Variants in ZNF407 observed in about 807,000 individuals in gnomAD.
ZNF407 encodes zinc finger protein 407.
A neutral mutation model predicts 131.2 loss-of-function variants in ZNF407; 17 were observed. The ratio of observed to expected loss-of-function variants is 0.13; its 90% CI spans 0.09 to 0.19. The LOEUF (loss-of-function observed/expected upper bound fraction) is 0.19. ZNF407 is among the 10% of genes least tolerant of loss of function. ZNF407 has a pLI of 1.00. For synonymous variants in ZNF407, 1,156 were observed against 1,062.0 expected (o/e 1.09, Z -1.72); for missense variants, 2,681 against 2,830.6 (o/e 0.95, Z 1.20).
intron 8 of ZNF407, among the ~76,000 whole-genome samples, chr18:74,962,793 C>T (rs545150652): frequency 6.6e-6 from 1 of 152,336 alleles, no homozygotes; most frequent in African/African-American, 2.4e-5. Flanking sequence ...CTTACGTGCT[C>T]TGTTGAAATC....
rs1046388156 is a variant in ZNF407, at chr18:75,000,086, G to A, written c.5429-63064G>A. On this transcript the variant is annotated intron_variant, in intron 8 of 8. Coordinates refer to ENST00000299687, the MANE Select transcript of ZNF407 (RefSeq NM_017757.3). The stretch of plus-strand genomic sequence containing the variant: ...GATTTGTATTACAAGGAAAGAGTAC[G>A]CATAAATGTATCTGCTCTTATTTCC... 3.2e-4 allele frequency among the ~76,000 whole-genome samples: 49 copies of A among 152,294 alleles called. 1 individual carries two copies. The highest frequency in any genetic ancestry group is 9.9e-4 in the African/African-American group (41 of 41,570).
intron 8 of ZNF407, among the ~76,000 whole-genome samples, chr18:75,022,670 A>G (rs1256040583): frequency 6.6e-6 from 1 of 151,626 alleles, no homozygotes; most frequent in East Asian, 2.1e-4. Flanking sequence ...GGCGATTATT[A>G]GACAGTCAAG....
intron 3 of ZNF407, among the ~76,000 whole-genome samples, chr18:74,733,022 C>T (rs546245482): frequency 6.6e-6 from 1 of 151,996 alleles, no homozygotes; most frequent in South Asian, 2.1e-4. Context: ...ATTGGAGTTA[C>T]ACATAGACAT....
intron 8 of ZNF407, among the ~76,000 whole-genome samples, chr18:74,971,878 AAG>A (rs1281056035): frequency 6.6e-6 from 1 of 152,176 alleles, no homozygotes; most frequent in Non-Finnish European, 1.5e-5. Context: ...TGGGAAGAAA[AAG>A]AGGTTTAATC....
At chr18:74,921,612 C>T (rs909456925) in intron 8 of ZNF407, among the ~76,000 whole-genome samples, 6 of 152,150 alleles carry the variant, frequency 3.9e-5, no homozygotes, top group Non-Finnish European at 8.8e-5. Context: ...GTTTCCCATA[C>T]GTAAATCTGC....
chr18:74,754,204 A>G (rs1335753506), intron 3 of ZNF407, among the ~76,000 whole-genome samples: 2 of 151,764 alleles, frequency 1.3e-5, no homozygotes, highest in Non-Finnish European at 2.9e-5. Context: ...CCCCTTTATC[A>G]TTTTTTTATT....
chr18:74,625,709 C>G (rs201912958), intron 1 of ZNF407, among the ~76,000 whole-genome samples: 1 of 152,202 alleles, frequency 6.6e-6, no homozygotes, highest in Admixed American at 6.5e-5. Flanking sequence ...CCATGCCCCT[C>G]TCCTGGACTA....
chr18:74,632,080 C>G lies in ZNF407; in HGVS notation c.1061C>G (p.Thr354Ser), dbSNP rs776915979. The change falls in exon 2 of 9, where the codon ACT becomes AGT. Residue 354 changes from threonine (T) to serine (S), a missense_variant. This residue lies in a region of ZNF407 where 1,789 missense variants were observed against 1,748.7 expected (regional missense o/e 1.02). Coordinates refer to ENST00000299687, the MANE Select transcript of ZNF407 (RefSeq NM_017757.3). ...LLVEMMPSRN[T>S]LSQEVEIVEE... ...GTTGAAATGATGCCTTCCAGAAATA[C>G]TTTGTCACAGGAAGTAGAGATTGTT... 1 of 1,613,760 alleles carries G rather than the reference C, an allele frequency of 6.2e-7. No individual in the cohort carries two copies. Among genetic ancestry groups the G allele is most frequent in the South Asian group, 1.1e-5 (1 of 91,030 alleles).
At chr18:74,613,531 C>T (rs1311921960) in intron 1 of ZNF407, among the ~76,000 whole-genome samples, 2 of 152,234 alleles carry the variant, frequency 1.3e-5, no homozygotes, top group African/African-American at 4.8e-5. Context: ...GTAGAATCGG[C>T]ACCTCACTTA....
rs551424766 is a variant in ZNF407 at position 74,800,693 on chromosome 18, A to G, written c.4877+19191A>G. On this transcript the variant is annotated intron_variant, in intron 4 of 8. Coordinates refer to ENST00000299687, the MANE Select transcript of ZNF407 (RefSeq NM_017757.3). ...TAGTCATTTCTCATTGGAAGCATAT[A>G]TAAACTCAGTTTGTTTTATATACTG... 2.2e-4 allele frequency among the ~76,000 whole-genome samples: 33 copies of G among 152,302 alleles called. No homozygotes were observed. In the East Asian group the frequency reaches 6.2e-3, roughly 28 times the overall value.
chr18:74,626,334 C>G (rs1983783959), intron 1 of ZNF407, among the ~76,000 whole-genome samples: 1 of 152,140 alleles, frequency 6.6e-6, no homozygotes, highest in Non-Finnish European at 1.5e-5. Context: ...GTCCATCTGC[C>G]CTATAACGCA....
chr18:74,639,230 C>A (rs568916708), intron 2 of ZNF407, among the ~76,000 whole-genome samples: 93 of 152,308 alleles, frequency 6.1e-4, no homozygotes, highest in African/African-American at 1.7e-3. Flanking sequence ...AGTCACATGG[C>A]AGGTGCTGTG....
intron 8 of ZNF407, among the ~76,000 whole-genome samples, chr18:74,955,505 G>C (rs1972265202): frequency 6.6e-6 from 1 of 152,162 alleles, no homozygotes; most frequent in Admixed American, 6.5e-5. Context: ...GGCTAGCCTT[G>C]GTTGTAGGTT....
chr18:74,802,576 A>G (rs916159342), intron 4 of ZNF407, among the ~76,000 whole-genome samples: 1 of 152,152 alleles, frequency 6.6e-6, no homozygotes, highest in Non-Finnish European at 1.5e-5. Context: ...TTTCAGAGAA[A>G]TTTCTAATTT....
intron 4 of ZNF407, among the ~76,000 whole-genome samples, chr18:74,822,986 C>T (rs1970361501): frequency 1.3e-5 from 2 of 152,094 alleles, no homozygotes; most frequent in Admixed American, 6.5e-5. Flanking sequence ...CCTTCACATC[C>T]CTTGTTAGTT....
chr18:74,649,039 C>A (rs567642898), intron 3 of ZNF407, among the ~76,000 whole-genome samples: 2 of 152,160 alleles, frequency 1.3e-5, no homozygotes, highest in Non-Finnish European at 2.9e-5. Flanking sequence ...CATTAGTATA[C>A]CAAAGTCTGT....
At chr18:74,720,927 C>CTTTTTTTTT (rs34746909) in intron 3 of ZNF407, among the ~76,000 whole-genome samples, 11 of 143,612 alleles carry the variant, frequency 7.7e-5, no homozygotes, top group East Asian at 2.0e-4. Flanking sequence ...ATACCTTCAG[C>CTTTTTTTTT]TTTTTTTTTT....
chr18:75,009,787 TTCAG>T (rs1972952947), intron 8 of ZNF407, among the ~76,000 whole-genome samples: 1 of 152,216 alleles, frequency 6.6e-6, no homozygotes. Flanking sequence ...TTTGAACCTA[TTCAG>T]GTTGATTCCA....
intron 8 of ZNF407, among the ~76,000 whole-genome samples, chr18:74,924,097 AG>A (rs1971881884): frequency 6.6e-6 from 1 of 152,214 alleles, no homozygotes. Context: ...CCAGTCACCA[AG>A]GAGTACGTTT....
Sources: allele counts gnomAD v4.1 joint callset (sites outside exome capture counted in the v4.1 genomes callset), GRCh38; gene constraint gnomAD v4.1.1; regional missense constraint gnomAD v4.1.1; transcripts MANE v1.5; gene names NCBI Gene and HGNC (gene_info 2026-07-23, HGNC 2026-07-21).